The following CCNF variants were observed in gnomAD, a reference collection of about 807,000 sequenced individuals.
CCNF encodes cyclin F.
Under a neutral mutation model 85.4 loss-of-function variants are expected in CCNF, and 30 were observed. That is an observed-to-expected ratio of 0.35 (90% CI 0.26 to 0.48). The LOEUF (loss-of-function observed/expected upper bound fraction) is 0.48, where lower values mean the gene tolerates loss of function less well. Among genes scored for constraint, CCNF ranks in the 20% least tolerant of loss-of-function variants. CCNF has a pLI of 0.99. For missense variants in CCNF, 919 were observed against 1,010.4 expected (o/e 0.91, Z 1.23); for synonymous variants, 439 against 425.1 (o/e 1.03, Z -0.40).
At chr16:2,444,023 A>C (rs2065347369) in intron 9 of CCNF, among the ~76,000 whole-genome samples, 1 of 149,010 alleles carries the variant, frequency 6.7e-6, no homozygotes, top group Non-Finnish European at 1.5e-5. Flanking sequence ...GGGTTCGAGC[A>C]ATTCTCCTGC....
At position 2,453,513 on chromosome 16, in the gene CCNF, C is replaced by G; in HGVS notation, c.1691C>G (p.Ser564Cys). ...GGGGAGATCCACGCCTTCCTCAGCTCTCCCTCGGGGCGGAGAACCAAACGG... is the reference window on the plus strand; with the variant it reads ...GGGGAGATCCACGCCTTCCTCAGCTGTCCCTCGGGGCGGAGAACCAAACGG... Reference protein sequence around the residue: ...STGEIHAFLSSPSGRRTKRKR... With the variant: ...STGEIHAFLSCPSGRRTKRKR... Residue 564 changes from serine (S) to cysteine (C), a missense_variant, in exon 15 of 17, where the codon TCT becomes TGT. Coordinates refer to ENST00000397066, the MANE Select transcript of CCNF (RefSeq NM_001761.3). This position sits in a 1 kb window ranked among gnomAD's most constrained non-coding sequence, Gnocchi z 5.6. The G allele has an allele frequency of 6.2e-7, 1 of 1,614,106 alleles. No homozygotes were observed. The highest frequency in any genetic ancestry group is 8.5e-7 in the Non-Finnish European group (1 of 1,180,026).
intron 6 of CCNF, 129 bp downstream of exon 6, chr16:2,438,252 C>T: frequency 1.3e-6 from 1 of 774,052 alleles, no homozygotes; most frequent in Non-Finnish European, 2.3e-6. Context: ...CCCAGAAAGG[C>T]CTAGCTGGAG....
At position 2,443,723 on chromosome 16, in the gene CCNF, C is replaced by T. The variant is rs1375550226; in HGVS notation, c.852C>T (p.Cys284=). The part of the protein sequence containing the change: ...LEVRASSEIV[C]QLFQASQAVS... ...TGAGAGCTTCCAGTGAGATCGTCTG[C>T]CAGCTATTTCAGGCTTCCCAGGCTG... Residue 284 remains cysteine (C), a synonymous_variant, in exon 9 of 17, where the codon TGC becomes TGT. Transcript: ENST00000397066. The T allele has an allele frequency of 1.9e-6, 3 of 1,613,918 alleles. No homozygotes were observed. The highest frequency in any genetic ancestry group is 1.3e-5 in the African/African-American group (1 of 74,916).
At chr16:2,449,014 T>A (rs368061011) in intron 11 of CCNF, 36 bp downstream of exon 11, 7 of 1,546,730 alleles carry the variant, frequency 4.5e-6, no homozygotes, top group Non-Finnish European at 6.2e-6. Context: ...TTAATCTTCG[T>A]TGTCGCTGTG....
chr16:2,449,208 G>A (rs774562546), intron 11 of CCNF, 74 bp from the exon 12 acceptor site: 12 of 1,552,144 alleles, frequency 7.7e-6, no homozygotes, highest in African/African-American at 4.1e-5. Context: ...CAGACCCTGC[G>A]CTGGGCCTGC....
intron 4 of CCNF, 138 bp from the exon 5 acceptor site, chr16:2,436,991 G>A (rs2065294371): frequency 1.8e-6 from 1 of 569,590 alleles, no homozygotes; most frequent in Non-Finnish European, 2.8e-6. Flanking sequence ...CATCCTGGAG[G>A]GCTCTACTCT....
chr16:2,450,708 C>T (rs1487549191), intron 13 of CCNF, among the ~76,000 whole-genome samples: 7 of 152,190 alleles, frequency 4.6e-5, no homozygotes, highest in South Asian at 2.1e-4. Flanking sequence ...GGCCCTCAGG[C>T]GGCATCTGGC....
In CCNF at chr16:2,433,059, C is replaced by CTTTGAAAGGTA; in HGVS notation, c.272_278+4dup. 1 of 1,604,014 alleles carries CTTTGAAAGGTA rather than the reference C, an allele frequency of 6.2e-7. No homozygotes were observed. On this transcript the variant is annotated frameshift_variant, in exon 3 of 17. Coordinates refer to ENST00000397066, the MANE Select transcript of CCNF (RefSeq NM_001761.3). LOFTEE classifies it high-confidence loss of function. ...GGCCGTCTCCAGGGAACCTGAAGCT[C>CTTTGAAAGGTA]TTTGAAAGGTATCTCTGCACCCTGA... is the stretch of plus-strand genomic sequence containing the variant.
intron 3 of CCNF, among the ~76,000 whole-genome samples, chr16:2,434,076 C>T (rs902799126): frequency 5.9e-5 from 9 of 151,796 alleles, no homozygotes; most frequent in South Asian, 2.1e-4. Context: ...GAGGCCAAGG[C>T]GGGTGGATCA....
intron 9 of CCNF, among the ~76,000 whole-genome samples, chr16:2,444,455 A>T (rs1297079582): frequency 6.7e-6 from 1 of 150,166 alleles, no homozygotes; most frequent in Non-Finnish European, 1.5e-5. Context: ...GCCTGCCACC[A>T]CGCCCAGCTA....
chr16:2,447,293 T>A (rs944687952), intron 10 of CCNF, among the ~76,000 whole-genome samples: 33 of 150,866 alleles, frequency 2.2e-4, no homozygotes, highest in East Asian at 1.4e-3. Flanking sequence ...TTTTTTTTTT[T>A]AAATCCGGGG....
chr16:2,429,755 C>T (rs1596911937), intron 1 of CCNF, among the ~76,000 whole-genome samples: 1 of 151,924 alleles, frequency 6.6e-6, no homozygotes, highest in East Asian at 1.9e-4. Flanking sequence ...CCTGGGGCAA[C>T]GATCGGGTCC....
chr16:2,429,664 G>T (rs2065252869), intron 1 of CCNF, among the ~76,000 whole-genome samples, 167 bp downstream of exon 1: 1 of 152,140 alleles, frequency 6.6e-6, no homozygotes. Flanking sequence ...GAGCCCCGGC[G>T]GCCGGGCGCG....
chr16:2,449,893 G>C lies in CCNF; in HGVS notation c.1465G>C (p.Val489Leu), dbSNP rs569537585. ...CTCCTATGAAGACCTCATTCCCTGC[G>C]TCTTGAGCCTCCATAAGAAGTGGTG... ...GFSYEDLIPC[V>L]LSLHKKCFHD... is the part of the protein sequence containing the mutation. The change falls in exon 13 of 17, where the codon GTC becomes CTC. Residue 489 changes from valine (V) to leucine (L), a missense_variant. Around this residue, in one of 3 missense-constraint regions of CCNF, gnomAD observed 505 missense variants for 514.8 expected, o/e 0.98. Transcript: ENST00000397066. 6.2e-7 allele frequency: 1 copy of C among 1,604,826 alleles called. No homozygotes were observed. The highest frequency in any genetic ancestry group is 8.5e-7 in the Non-Finnish European group (1 of 1,175,012).
chr16:2,432,835 T>G, intron 2 of CCNF, 126 bp from the exon 3 acceptor site: 1 of 573,374 alleles, frequency 1.7e-6, no homozygotes. Context: ...ATTGGGGACC[T>G]CAACTACTTG....
chr16:2,453,345 T>C lies in CCNF; in HGVS notation c.1587+36T>C. On this transcript the variant is annotated intron_variant, in intron 14 of 16. Coordinates refer to ENST00000397066, the MANE Select transcript of CCNF (RefSeq NM_001761.3). This position sits in a 1 kb window ranked among gnomAD's most constrained non-coding sequence, Gnocchi z 5.6. Reference sequence around the variant, plus strand: ...CCCGCCACCTGGGCGTCTCATGGGGTGCTGGGGTGTGGGCGGGCCTCACCC... The same window carrying C: ...CCCGCCACCTGGGCGTCTCATGGGGCGCTGGGGTGTGGGCGGGCCTCACCC... 2 of 1,613,622 alleles carry C rather than the reference T, an allele frequency of 1.2e-6. No homozygotes were observed. The highest frequency in any genetic ancestry group is 2.2e-5 in the East Asian group (1 of 44,878).
At chr16:2,449,542 C>A in intron 12 of CCNF, 80 bp downstream of exon 12, 1 of 1,387,386 alleles carries the variant, frequency 7.2e-7, no homozygotes, top group South Asian at 1.3e-5. Context: ...GGAAAAGAGT[C>A]CAGCATCCAT....
At chr16:2,439,605 C>T (rs1488673950) in intron 7 of CCNF, 144 bp from the exon 8 acceptor site, 5 of 906,390 alleles carry the variant, frequency 5.5e-6, no homozygotes, top group South Asian at 4.5e-5. Context: ...GGTCAGTCGG[C>T]TATTCTTGGT....
chr16:2,444,763 ATTG>A (rs970112209), intron 9 of CCNF, among the ~76,000 whole-genome samples: 3 of 152,008 alleles, frequency 2.0e-5, no homozygotes, highest in Non-Finnish European at 4.4e-5. Context: ...TGCACAGCTA[ATTG>A]TTGTATTTTT....
Sources: gnomAD v4.1 joint callset for allele counts (sites outside exome capture counted in the v4.1 genomes callset) on GRCh38, gnomAD v4.1.1 for gene constraint, gnomAD v4.1.1 regional missense constraint, Gnocchi (gnomAD v3.1) non-coding constraint, MANE v1.5 for transcripts, NCBI Gene and HGNC (gene_info 2026-07-23, HGNC 2026-07-21) for gene names.